Variants in SYT9 observed in about 807,000 individuals in gnomAD.
SYT9 encodes the protein synaptotagmin 9, also known as synaptotagmin-9.
SYT9 carries 22 observed loss-of-function variants against 48.4 expected under a neutral mutation model. The observed-to-expected ratio is 0.45, with a 90% CI of 0.32 to 0.65. SYT9 has a LOEUF of 0.65. SYT9 is among the 30% of genes least tolerant of loss of function. SYT9 has a pLI of 0.03. For missense variants in SYT9, 577 were observed against 622.0 expected, an observed-to-expected ratio of 0.93 and a Z score of 0.77; for synonymous variants, 265 against 245.0, an observed-to-expected ratio of 1.08 and a Z score of -0.76.
At chr11:7,269,705 T>C (rs576391704) in intron 1 of SYT9, among the ~76,000 whole-genome samples, 30 of 152,272 alleles carry the variant, frequency 2.0e-4, no homozygotes, top group Admixed American at 1.8e-3. Flanking sequence ...TCTATACTTG[T>C]GCTTTCATCT....
At chr11:7,347,925 C>T (rs545521688) in intron 3 of SYT9, among the ~76,000 whole-genome samples, 1 of 152,240 alleles carries the variant, frequency 6.6e-6, no homozygotes, top group African/African-American at 2.4e-5. Flanking sequence ...AAGTCTGTGG[C>T]ATCAGAGCAG....
At chr11:7,287,207 G>A (rs1313610844) in intron 1 of SYT9, among the ~76,000 whole-genome samples, 1 of 152,126 alleles carries the variant, frequency 6.6e-6, no homozygotes, top group East Asian at 1.9e-4. Flanking sequence ...TTCTTCACAT[G>A]GCAGCAGCAA....
intron 3 of SYT9, among the ~76,000 whole-genome samples, chr11:7,377,678 T>C (rs1463223066): frequency 2.0e-5 from 3 of 152,118 alleles, no homozygotes; most frequent in Non-Finnish European, 4.4e-5. Context: ...AAGGGAAGAA[T>C]CTGGAGACAC....
At chr11:7,251,207 T>C (rs773326150), upstream of SYT9, among the ~76,000 whole-genome samples, 3 of 152,048 alleles carry the variant, frequency 2.0e-5, no homozygotes, top group Non-Finnish European at 4.4e-5. Context: ...AGAGGTGCCC[T>C]GAGGTTCCTT....
intron 3 of SYT9, among the ~76,000 whole-genome samples, chr11:7,388,049 AT>A (rs1475598554): frequency 2.0e-5 from 3 of 152,090 alleles, no homozygotes; most frequent in Non-Finnish European, 4.4e-5. Flanking sequence ...CTCCTTGTGT[AT>A]TTTTGGAAAT....
intron 1 of SYT9, among the ~76,000 whole-genome samples, chr11:7,254,964 A>T (rs1424865444): frequency 6.6e-6 from 1 of 152,058 alleles, no homozygotes; most frequent in Non-Finnish European, 1.5e-5. Flanking sequence ...CCGCACCCAG[A>T]TTTCCCTGAC....
At chr11:7,331,078 G>T (rs1269577669) in intron 3 of SYT9, among the ~76,000 whole-genome samples, 1 of 151,774 alleles carries the variant, frequency 6.6e-6, no homozygotes, top group South Asian at 2.1e-4. Context: ...GATTACAGGC[G>T]TGAGCCACAG....
At chr11:7,255,266 G>T (rs1847946767) in intron 1 of SYT9, among the ~76,000 whole-genome samples, 1 of 152,232 alleles carries the variant, frequency 6.6e-6, no homozygotes, top group African/African-American at 2.4e-5. Flanking sequence ...TTATTGATAT[G>T]ATTCTAGAAA....
chr11:7,347,990 T>C (rs1411623728), intron 3 of SYT9, among the ~76,000 whole-genome samples: 19 of 152,208 alleles, frequency 1.2e-4, no homozygotes. Context: ...TTCCCTCTGT[T>C]CCTGGAGGAG....
In SYT9 at chr11:7,338,756, T is replaced by A. The variant is rs567447789; in HGVS notation, c.1044+24815T>A. Reference sequence around the variant, plus strand: ...TGTTTTGCATTTGCTAAGGATTGTTTTATGTCTGATCGTGTGCTCGATTTG... The same window carrying A: ...TGTTTTGCATTTGCTAAGGATTGTTATATGTCTGATCGTGTGCTCGATTTG... On this transcript the variant is annotated intron_variant, in intron 3 of 6. Coordinates refer to ENST00000318881, the MANE Select transcript of SYT9 (RefSeq NM_175733.4). Among the ~76,000 whole-genome samples, 56 of 152,264 alleles carry A rather than the reference T, an allele frequency of 3.7e-4. No homozygotes were observed. The South Asian group carries it at 0.011, about 30-fold the overall frequency.
At chr11:7,349,981 C>T (rs1399076431) in intron 3 of SYT9, among the ~76,000 whole-genome samples, 3 of 152,196 alleles carry the variant, frequency 2.0e-5, no homozygotes, top group Non-Finnish European at 4.4e-5. Context: ...TTCAGAGACA[C>T]TGGCATTCTG....
At chr11:7,331,325 G>C (rs528631707) in intron 3 of SYT9, among the ~76,000 whole-genome samples, 1 of 150,784 alleles carries the variant, frequency 6.6e-6, no homozygotes, top group African/African-American at 2.5e-5. Context: ...GAAATGAGAA[G>C]ACTAGGATCT....
intron 4 of SYT9, among the ~76,000 whole-genome samples, chr11:7,417,294 A>G (rs1478224667): frequency 6.6e-6 from 1 of 152,154 alleles, no homozygotes; most frequent in African/African-American, 2.4e-5. Context: ...ACTTCCCAAT[A>G]AACAGAAGAA....
intron 3 of SYT9, among the ~76,000 whole-genome samples, chr11:7,374,382 G>A (rs1198982370): frequency 3.9e-5 from 6 of 152,162 alleles, no homozygotes; most frequent in East Asian, 1.9e-4. Flanking sequence ...ACAAACATAC[G>A]TGTGCATGTG....
At chr11:7,371,467 T>G (rs1236731316) in intron 3 of SYT9, among the ~76,000 whole-genome samples, 2 of 151,422 alleles carry the variant, frequency 1.3e-5, no homozygotes, top group African/African-American at 2.4e-5. Context: ...AGAGTGGGAT[T>G]TTTTTATTTC....
intron 3 of SYT9, among the ~76,000 whole-genome samples, chr11:7,314,869 G>T (rs1020276228): frequency 6.6e-6 from 1 of 152,160 alleles, no homozygotes; most frequent in Non-Finnish European, 1.5e-5. Flanking sequence ...AAGCACCACC[G>T]TCTTTATTCA....
chr11:7,452,852 G>A lies in SYT9; in HGVS notation c.1468-13940G>A, dbSNP rs145929933. On this transcript the variant is annotated intron_variant, in intron 6 of 6. Coordinates refer to ENST00000318881, the MANE Select transcript of SYT9 (RefSeq NM_175733.4). ...GGCTGGAGTGCAATGATGCGATCTC[G>A]GCTCACCACAACCTCCGCCTCCTGG... Among the ~76,000 whole-genome samples, 833 of 152,122 alleles carry A rather than the reference G, an allele frequency of 5.5e-3. 7 individuals are homozygous for A. The highest frequency in any genetic ancestry group is 0.019 in the African/African-American group (790 of 41,512).
At chr11:7,296,541 A>G (rs1346259021) in intron 1 of SYT9, among the ~76,000 whole-genome samples, 1 of 151,812 alleles carries the variant, frequency 6.6e-6, no homozygotes, top group Non-Finnish European at 1.5e-5. Context: ...GAACTCAACA[A>G]TTTCTCCTCC....
At chr11:7,401,942 G>C (rs1846902458) in intron 3 of SYT9, among the ~76,000 whole-genome samples, 1 of 151,070 alleles carries the variant, frequency 6.6e-6, no homozygotes, top group African/African-American at 2.4e-5. Flanking sequence ...TCATTATTTT[G>C]AAATGATACT....
Sources: gnomAD v4.1 joint callset for allele counts (sites outside exome capture counted in the v4.1 genomes callset) on GRCh38, gnomAD v4.1.1 for gene constraint, MANE v1.5 for transcripts, NCBI Gene and HGNC (gene_info 2026-07-23, HGNC 2026-07-21) for gene names.